Variants in WDR27 observed in about 807,000 individuals in gnomAD.
WDR27 encodes WD repeat domain 27.
WDR27 carries 100 observed loss-of-function variants against 114.4 expected under a neutral mutation model. The observed-to-expected ratio is 0.87, with a 90% CI of 0.74 to 1.03. WDR27 has a LOEUF of 1.03. Among genes scored for constraint, WDR27 ranks in the 50% least tolerant of loss-of-function variants. The pLI, the probability that WDR27 is intolerant of heterozygous loss-of-function variation, is 0.00. For synonymous variants in WDR27, 449 were observed against 423.1 expected (o/e 1.06, Z -0.75); for missense variants, 1,129 against 1,092.9 (o/e 1.03, Z -0.47).
intron 21 of WDR27, among the ~76,000 whole-genome samples, chr6:169,621,269 T>TACAC (rs146516854): frequency 6.6e-6 from 1 of 150,602 alleles, no homozygotes; most frequent in African/African-American, 2.4e-5. Flanking sequence ...CATTCATGCA[T>TACAC]ACACACACAC....
intron 3 of WDR27, 170 bp downstream of exon 3, chr6:169,672,085 C>T (rs1778884958): frequency 1.0e-5 from 6 of 583,372 alleles, no homozygotes; most frequent in South Asian, 3.0e-5. Context: ...CCATATAAAG[C>T]GCCTGCTTGC....
chr6:169,680,893 AG>A (rs1781356844), intron 2 of WDR27, among the ~76,000 whole-genome samples: 1 of 152,238 alleles, frequency 6.6e-6, no homozygotes, highest in Non-Finnish European at 1.5e-5. Flanking sequence ...GCTTAATAAC[AG>A]AGTTTCAAAA....
chr6:169,458,011 G>A (rs1173530103), intron 25 of WDR27, among the ~76,000 whole-genome samples: 1 of 151,938 alleles, frequency 6.6e-6, no homozygotes, highest in African/African-American at 2.4e-5. Context: ...GGAGGAGGTG[G>A]TGGTGGTGCC....
chr6:169,693,472 T>C (rs749286653), intron 1 of WDR27, among the ~76,000 whole-genome samples: 2 of 152,158 alleles, frequency 1.3e-5, no homozygotes, highest in Non-Finnish European at 2.9e-5. Context: ...AATAGAGCAG[T>C]ACCCCACAGC....
At chr6:169,572,057 T>C (rs1330883790) in intron 25 of WDR27, among the ~76,000 whole-genome samples, 1 of 152,066 alleles carries the variant, frequency 6.6e-6, no homozygotes, top group African/African-American at 2.4e-5. Flanking sequence ...AGGCCTAAGG[T>C]AATCAGAATA....
At chr6:169,427,801 A>C in the WDR27 span, among the ~76,000 whole-genome samples, 1 of 138,146 alleles carries the variant, frequency 7.2e-6, no homozygotes, top group Non-Finnish European at 1.6e-5. Context: ...GTGAAGACAA[A>C]CAACAACCAA....
At chr6:169,695,091 T>C (rs750591999) in intron 1 of WDR27, among the ~76,000 whole-genome samples, 9 of 152,218 alleles carry the variant, frequency 5.9e-5, no homozygotes, top group Non-Finnish European at 1.2e-4. Context: ...TAGTAATGCT[T>C]AGAAGTATAA....
At chr6:169,434,244 C>G in the WDR27 span, among the ~76,000 whole-genome samples, 11 of 152,134 alleles carry the variant, frequency 7.2e-5, no homozygotes, top group African/African-American at 2.4e-4. Context: ...AGTCCTTAAT[C>G]CATCTTGAGT....
At position 169,697,403 on chromosome 6, in the gene WDR27, C is replaced by T. The variant is rs148718554; in HGVS notation, c.-8+4148G>A. 9.2e-5 allele frequency among the ~76,000 whole-genome samples: 14 copies of T among 152,274 alleles called. No individual in the cohort carries two copies. The East Asian group carries it at 2.7e-3, about 30-fold the overall frequency. ...GTAGCCTCAGTGTCAAGGAAAAACA[C>T]CTGCTACTTAGCAGACCGGGAAAGG... On this transcript the variant is annotated intron_variant, in intron 1 of 25. Coordinates refer to ENST00000448612, the MANE Select transcript of WDR27 (RefSeq NM_182552.5).
At chr6:169,586,847 CAAAAAAAAAAAAAA>C (rs3029697) in intron 23 of WDR27, among the ~76,000 whole-genome samples, 1 of 32,058 alleles carries the variant, frequency 3.1e-5, no homozygotes, top group Non-Finnish European at 5.6e-5. Context: ...GACTCTGTCT[CAAAAAAAAAAAAAA>C]AAAAAAAAAA....
the WDR27 span, among the ~76,000 whole-genome samples, chr6:169,450,421 A>G: frequency 5.9e-5 from 9 of 152,218 alleles, no homozygotes; most frequent in Non-Finnish European, 1.3e-4. Flanking sequence ...GAGTAAATGA[A>G]CGGAATTGCA....
chr6:169,642,337 A>G (rs1411227670), intron 17 of WDR27, among the ~76,000 whole-genome samples: 2 of 150,554 alleles, frequency 1.3e-5, no homozygotes, highest in East Asian at 2.2e-4. Context: ...AAGTTTTTGT[A>G]AAGATGAATT....
intron 23 of WDR27, 37 bp from the exon 24 acceptor site, chr6:169,582,971 C>CA (rs767188834): frequency 6.3e-7 from 1 of 1,593,036 alleles, no homozygotes; most frequent in South Asian, 1.1e-5. Flanking sequence ...CATGTTAACT[C>CA]AGAGTCAGGA....
intron 21 of WDR27, among the ~76,000 whole-genome samples, chr6:169,631,746 C>T (rs1024935456): frequency 1.3e-5 from 2 of 152,198 alleles, no homozygotes; most frequent in African/African-American, 4.8e-5. Flanking sequence ...TCCATCTCCC[C>T]TTTATCCAGA....
Position 169,667,188 on chromosome 6 carries a change from C to A in WDR27, c.661-1G>T, listed in dbSNP as rs867944517. ...ATGATCCTGTACAATGGTCCCAGAC[C>A]TTTGGATAAACACAGGATTCTTTAG... On this transcript the variant is annotated splice_acceptor_variant, in intron 5 of 25. Coordinates refer to ENST00000448612, the MANE Select transcript of WDR27 (RefSeq NM_182552.5). LOFTEE classifies it high-confidence loss of function. 1 of 1,515,768 alleles carries A rather than the reference C, an allele frequency of 6.6e-7. No homozygotes were observed. The allele number at this position is 1,515,768 out of a possible 1,614,324, so 93.9% of individuals were successfully genotyped here.
intron 23 of WDR27, among the ~76,000 whole-genome samples, chr6:169,584,784 T>G (rs1804232124): frequency 1.3e-5 from 2 of 152,238 alleles, no homozygotes; most frequent in Admixed American, 1.3e-4. Flanking sequence ...TTGCAAGAGT[T>G]CTTTATAAAT....
Position 169,598,124 on chromosome 6 carries a change from A to C in WDR27, c.2424+4095T>G, listed in dbSNP as rs956530009. On this transcript the variant is annotated intron_variant, in intron 23 of 25. Coordinates refer to ENST00000448612, the MANE Select transcript of WDR27 (RefSeq NM_182552.5). The stretch of plus-strand genomic sequence containing the variant: ...GCTATTCCATCATAGCTAGTGCTGA[A>C]CCTGAATATGAAGAATGTGATCTTA... Among the ~76,000 whole-genome samples, 7 of 152,196 alleles carry C rather than the reference A, an allele frequency of 4.6e-5. No individual in the cohort carries two copies. The South Asian group carries it at 1.2e-3, about 27-fold the overall frequency.
At chr6:169,456,855 G>A (rs1477475237), downstream of WDR27, among the ~76,000 whole-genome samples, 1 of 150,814 alleles carries the variant, frequency 6.6e-6, no homozygotes, top group African/African-American at 2.4e-5. This position sits in a 1 kb window ranked among gnomAD's most constrained non-coding sequence, Gnocchi z 4.0. Context: ...CCATGCTCAC[G>A]ACACAGAACC....
chr6:169,550,373 G>C (rs763976150), intron 25 of WDR27, among the ~76,000 whole-genome samples: 3 of 152,220 alleles, frequency 2.0e-5, no homozygotes, highest in Non-Finnish European at 4.4e-5. Context: ...GTTAATGCTT[G>C]TGTGTCATTC....
Sources: allele counts gnomAD v4.1 joint callset (sites outside exome capture counted in the v4.1 genomes callset), GRCh38; gene constraint gnomAD v4.1.1; non-coding constraint Gnocchi (gnomAD v3.1); transcripts MANE v1.5; gene names NCBI Gene and HGNC (gene_info 2026-07-23, HGNC 2026-07-21).